Variants in RPL37 observed in about 807,000 individuals in gnomAD.
RPL37 encodes the protein ribosomal protein L37, also known as large ribosomal subunit protein eL37.
RPL37 carries 1 observed loss-of-function variant against 14.8 expected under a neutral mutation model. The ratio of observed to expected loss-of-function variants is 0.07; its 90% CI spans 0.02 to 0.32. The LOEUF (loss-of-function observed/expected upper bound fraction) is 0.32, where lower values mean the gene tolerates loss of function less well. RPL37 is among the 10% of genes least tolerant of loss of function. The pLI, the probability that RPL37 is intolerant of heterozygous loss-of-function variation, is 1.00. For synonymous variants in RPL37, 53 were observed against 45.8 expected, an observed-to-expected ratio of 1.16 and a Z score of -0.63; for missense variants, 100 against 128.3, an observed-to-expected ratio of 0.78 and a Z score of 1.06.
chr5:40,834,275 A>T lies in RPL37; in HGVS notation c.140-10T>A. The T allele has an allele frequency of 6.2e-7, 1 of 1,612,380 alleles. No individual in the cohort carries two copies. Among genetic ancestry groups the T allele is most frequent in the Middle Eastern group, 1.6e-4 (1 of 6,062 alleles). ...TTGGCACTCCAGTTATCTAAAACAT[A>T]AGTTCAGAAAAGATTTCAAACGGTG... On this transcript the variant is annotated splice_polypyrimidine_tract_variant and intron_variant, in intron 2 of 3. Coordinates refer to ENST00000274242, the MANE Select transcript of RPL37 (RefSeq NM_000997.5).
intron 1 of RPL37, among the ~76,000 whole-genome samples, chr5:40,834,839 G>A (rs1380380469): frequency 6.6e-6 from 1 of 152,140 alleles, no homozygotes; most frequent in African/African-American, 2.4e-5. Context: ...TACAGACTCC[G>A]GCCAGAGAGC....
In RPL37 at chr5:40,831,137, T is replaced by C. The variant is rs1016568990; in HGVS notation, c.*1367A>G. On this transcript the variant is annotated 3_prime_UTR_variant, in exon 4 of 4. Transcript: ENST00000274242. ...CCATCTCTACAAAAAACACAAAAAT[T>C]AGCCAGGTGTGGTGGTGTGCATCTG... 2.6e-5 allele frequency: 4 copies of C among 152,052 alleles called. No individual in the cohort carries two copies. The highest frequency in any genetic ancestry group is 5.9e-5 in the Non-Finnish European group (4 of 68,038). The allele number at this position is 152,052 out of a possible 1,614,324, so 9.4% of individuals were successfully genotyped here.
intron 1 of RPL37, 176 bp downstream of exon 1, chr5:40,835,007 T>C: frequency 1.2e-6 from 1 of 800,030 alleles, no homozygotes; most frequent in Non-Finnish European, 2.0e-6. Context: ...GCGGGATAGG[T>C]CCCCCAGGCA....
intron 2 of RPL37, 50 bp from the exon 3 acceptor site, chr5:40,834,315 T>C (rs1745714147): frequency 6.3e-7 from 1 of 1,577,762 alleles, no homozygotes; most frequent in Non-Finnish European, 8.7e-7. Flanking sequence ...CCCACACACC[T>C]TGTAGGTGTT....
intron 3 of RPL37, chr5:40,833,965 G>A (rs1745702647): frequency 1.3e-5 from 7 of 546,388 alleles, no homozygotes; most frequent in South Asian, 1.0e-4. Context: ...GATTACCTGA[G>A]GCTGGGGAGA....
Position 40,825,858 on chromosome 5 carries a change from A to G in RPL37, c.*6646T>C, listed in dbSNP as rs1259945197. On this transcript the variant is annotated 3_prime_UTR_variant, in exon 4 of 4. Transcript: ENST00000274242. ...GTAGCTGGGATTACAGGTGTGTGCC[A>G]CTGCACCTGGCTAATTTTTGTATTT... The G allele has an allele frequency of 6.6e-6, 1 of 152,148 alleles. No homozygotes were observed. Among genetic ancestry groups the G allele is most frequent in the Non-Finnish European group, 1.5e-5 (1 of 68,104 alleles). 9.4% of individuals were successfully genotyped at this position (152,148 alleles called of 1,614,324 possible).
At position 40,828,037 on chromosome 5, in the gene RPL37, T is replaced by C. The variant is rs1216116657; in HGVS notation, c.*4467A>G. ...CAGCCTCTTTCTCTGAAACAAGTTC[T>C]TCAGTAAAATAATTCTGTAATGTAT... On this transcript the variant is annotated 3_prime_UTR_variant, in exon 4 of 4. Coordinates refer to ENST00000274242, the MANE Select transcript of RPL37 (RefSeq NM_000997.5). 2 of 152,250 alleles carry C rather than the reference T, an allele frequency of 1.3e-5. No homozygotes were observed. The highest frequency in any genetic ancestry group is 2.9e-5 in the Non-Finnish European group (2 of 68,036). 9.4% of individuals were successfully genotyped at this position (152,250 alleles called of 1,614,324 possible). A position where few individuals can be genotyped will look rare whatever the true frequency, so the allele number is the denominator to read the frequency against.
intron 3 of RPL37, 46 bp from the exon 4 acceptor site, chr5:40,832,619 T>C: frequency 7.0e-7 from 1 of 1,429,094 alleles, no homozygotes; most frequent in Non-Finnish European, 9.9e-7. Context: ...GCAACATCGA[T>C]GCATACATTT....
rs1745548528 is a variant in RPL37 at position 40,827,730 on chromosome 5, T to C, written c.*4774A>G. The C allele has an allele frequency of 2.0e-5, 3 of 149,872 alleles. No homozygotes were observed. Among genetic ancestry groups the C allele is most frequent in the Non-Finnish European group, 3.0e-5 (2 of 67,410 alleles). The allele number at this position is 149,872 out of a possible 1,614,324, so 9.3% of individuals were successfully genotyped here. The stretch of plus-strand genomic sequence containing the variant: ...AGATTTTGCTTAAGTCCTTCCTTTA[T>C]CCTTTTTTTTTTTTGAGATGGAGTC... On this transcript the variant is annotated 3_prime_UTR_variant, in exon 4 of 4. Coordinates refer to ENST00000274242, the MANE Select transcript of RPL37 (RefSeq NM_000997.5).
intron 3 of RPL37, chr5:40,832,810 T>TAGTA: frequency 3.4e-6 from 2 of 580,624 alleles, no homozygotes; most frequent in Admixed American, 2.3e-5. Flanking sequence ...GCTCAAAAAC[T>TAGTA]TATTTGGCTA....
intron 2 of RPL37, 78 bp downstream of exon 2, chr5:40,834,393 T>TA: frequency 6.3e-7 from 1 of 1,584,532 alleles, no homozygotes; most frequent in Non-Finnish European, 8.6e-7. Flanking sequence ...AGGCACCAAA[T>TA]AAAGTTCAAA....
intron 1 of RPL37, 61 bp downstream of exon 1, chr5:40,835,118 GCAAA>G: frequency 1.9e-6 from 3 of 1,609,556 alleles, no homozygotes; most frequent in South Asian, 2.2e-5. Context: ...CCCAAGCACA[GCAAA>G]CAGAGAGGCA....
rs1214562388 is a variant in RPL37 at position 40,835,189 on chromosome 5, G to C, written c.-4C>G. The stretch of plus-strand genomic sequence containing the variant: ...CACCACAGTCACAACTCACCATCTC[G>C]CTTCTGCGGCCGAGACCAGAAAGAC... On this transcript the variant is annotated 5_prime_UTR_variant, in exon 1 of 4. Transcript: ENST00000274242. 7 of 1,613,990 alleles carry C rather than the reference G, an allele frequency of 4.3e-6. No individual in the cohort carries two copies. Among genetic ancestry groups the C allele is most frequent in the East Asian group, 2.2e-5 (1 of 44,892 alleles).
rs1745558209 is a variant in RPL37, at chr5:40,828,189, AAAG to A, written c.*4312_*4314del. The A allele has an allele frequency of 6.6e-6, 1 of 152,224 alleles. No homozygotes were observed. The highest frequency in any genetic ancestry group is 2.4e-5 in the African/African-American group (1 of 41,462). 9.4% of individuals were successfully genotyped at this position (152,224 alleles called of 1,614,324 possible). On this transcript the variant is annotated 3_prime_UTR_variant, in exon 4 of 4. Coordinates refer to ENST00000274242, the MANE Select transcript of RPL37 (RefSeq NM_000997.5). ...ATGATAAGTCATTCAGGTAAAGACAAAAGAATGGCTCCTTATCATTCAACTTAA... is the reference window on the plus strand; with the variant it reads ...ATGATAAGTCATTCAGGTAAAGACAAAATGGCTCCTTATCATTCAACTTAA...
Position 40,835,186 on chromosome 5 carries a change from C to T in RPL37, c.-1G>A, listed in dbSNP as rs77194483. On this transcript the variant is annotated 5_prime_UTR_variant, in exon 1 of 4. Coordinates refer to ENST00000274242, the MANE Select transcript of RPL37 (RefSeq NM_000997.5). ...AAACACCACAGTCACAACTCACCAT[C>T]TCGCTTCTGCGGCCGAGACCAGAAA... The T allele has an allele frequency of 1.2e-6, 2 of 1,614,158 alleles. No individual in the cohort carries two copies. The highest frequency in any genetic ancestry group is 1.1e-5 in the South Asian group (1 of 91,076).
intron 3 of RPL37, 27 bp from the exon 4 acceptor site, chr5:40,832,600 G>T (rs1305916559): frequency 3.8e-6 from 6 of 1,589,860 alleles, no homozygotes; most frequent in Non-Finnish European, 5.2e-6. Flanking sequence ...ACAAGAACAA[G>T]TTACTTCAGC....
At position 40,825,367 on chromosome 5, in the gene RPL37, GT is replaced by G. The variant is rs1474203516; in HGVS notation, c.*7136del. 6.6e-6 allele frequency: 1 copy of G among 152,036 alleles called. No homozygotes were observed. The highest frequency in any genetic ancestry group is 1.5e-5 in the Non-Finnish European group (1 of 68,012). 9.4% of individuals were successfully genotyped at this position (152,036 alleles called of 1,614,324 possible). On this transcript the variant is annotated 3_prime_UTR_variant, in exon 4 of 4. Transcript: ENST00000274242. ...TTTAACAGATAATCTCTGTATCTTA[GT>G]TTTTGCCTTTGCAAAACAAATGGAG... is the stretch of plus-strand genomic sequence containing the variant.
rs1461646320 is a variant in RPL37 at position 40,830,140 on chromosome 5, A to C, written c.*2364T>G. On this transcript the variant is annotated 3_prime_UTR_variant, in exon 4 of 4. Transcript: ENST00000274242. ...GGGAGGCTTTTCAGGCAGAGGACAG[A>C]GTTGAAAAGCAGATGGGGTACTTAG... 6.6e-6 allele frequency: 1 copy of C among 152,164 alleles called. No homozygotes were observed. The highest frequency in any genetic ancestry group is 2.4e-5 in the African/African-American group (1 of 41,398). The allele number at this position is 152,164 out of a possible 1,614,324, so 9.4% of individuals were successfully genotyped here. A position where few individuals can be genotyped will look rare whatever the true frequency, so the allele number is the denominator to read the frequency against.
rs1432899842 is a variant in RPL37 at position 40,825,325 on chromosome 5, C to T, written c.*7179G>A. On this transcript the variant is annotated 3_prime_UTR_variant, in exon 4 of 4. Transcript: ENST00000274242. ...AGCAACACTGTCAGCATCTTTATTACCAAAGAAATACATAACTTTAACAGA... is the reference window on the plus strand; with the variant it reads ...AGCAACACTGTCAGCATCTTTATTATCAAAGAAATACATAACTTTAACAGA... 1 of 146,152 alleles carries T rather than the reference C, an allele frequency of 6.8e-6. No individual in the cohort carries two copies. The highest frequency in any genetic ancestry group is 2.2e-4 in the South Asian group (1 of 4,472). The allele number at this position is 146,152 out of a possible 1,614,324, so 9.1% of individuals were successfully genotyped here. A position where few individuals can be genotyped will look rare whatever the true frequency, so the allele number is the denominator to read the frequency against.
Sources: gnomAD v4.1 joint callset for allele counts (sites outside exome capture counted in the v4.1 genomes callset) on GRCh38, gnomAD v4.1.1 for gene constraint, MANE v1.5 for transcripts, NCBI Gene and HGNC (gene_info 2026-07-23, HGNC 2026-07-21) for gene names.